IARS2: variants seen among roughly 807,000 people sequenced by gnomAD.
IARS2 encodes isoleucyl-tRNA synthetase 2, mitochondrial, also known as isoleucine--tRNA ligase, mitochondrial.
IARS2 carries 56 observed loss-of-function variants against 126.3 expected under a neutral mutation model. The ratio of observed to expected loss-of-function variants is 0.44; its 90% CI spans 0.36 to 0.55. The LOEUF is 0.55. Among genes scored for constraint, IARS2 ranks in the 20% least tolerant of loss-of-function variants. The pLI, the probability that IARS2 is intolerant of heterozygous loss-of-function variation, is 0.00. For missense variants in IARS2, 1,127 were observed against 1,245.9 expected, an observed-to-expected ratio of 0.90 and a Z score of 1.44; for synonymous variants, 407 against 441.1, an observed-to-expected ratio of 0.92 and a Z score of 0.97.
At chr1:220,115,422 A>T (rs1656894922) in intron 12 of IARS2, among the ~76,000 whole-genome samples, 1 of 150,410 alleles carries the variant, frequency 6.6e-6, no homozygotes, top group South Asian at 2.1e-4. Flanking sequence ...TTAGCCAGGC[A>T]TGGTGGCGCG....
In IARS2 at chr1:220,142,901, T is replaced by C. The variant is rs531619609; in HGVS notation, c.2561-43T>C. 14 of 1,427,082 alleles carry C rather than the reference T, an allele frequency of 9.8e-6. No individual in the cohort carries two copies. The South Asian group carries it at 1.4e-4, about 15-fold the overall frequency. 88.4% of individuals were successfully genotyped at this position (1,427,082 alleles called of 1,614,324 possible). Reference sequence around the variant, plus strand: ...AATGGTTAGAGCTTCATATACAGTTTAGGATGTTTGTAAAGCAGTTTACTA... The same window carrying C: ...AATGGTTAGAGCTTCATATACAGTTCAGGATGTTTGTAAAGCAGTTTACTA... On this transcript the variant is annotated intron_variant, in intron 20 of 22. Coordinates refer to ENST00000366922, the MANE Select transcript of IARS2 (RefSeq NM_018060.4).
chr1:220,120,619 A>G (rs992954791), intron 12 of IARS2, among the ~76,000 whole-genome samples: 1 of 151,624 alleles, frequency 6.6e-6, no homozygotes, highest in Non-Finnish European at 1.5e-5. Context: ...CAAATGATCC[A>G]CCTATCTCAG....
intron 1 of IARS2, among the ~76,000 whole-genome samples, chr1:220,095,100 G>A (rs1299915554): frequency 2.6e-5 from 4 of 152,182 alleles, no homozygotes; most frequent in Non-Finnish European, 2.9e-5. Flanking sequence ...GTGCAATGGC[G>A]CGATCTCAGC....
chr1:220,110,675 C>T, intron 10 of IARS2, 111 bp from the exon 11 acceptor site: 1 of 818,972 alleles, frequency 1.2e-6, no homozygotes, highest in Admixed American at 2.5e-5. Flanking sequence ...GGTGACTACT[C>T]TTATTGCCAC....
intron 14 of IARS2, among the ~76,000 whole-genome samples, chr1:220,127,575 A>G (rs1657180099): frequency 6.6e-6 from 1 of 152,204 alleles, no homozygotes; most frequent in Non-Finnish European, 1.5e-5. Flanking sequence ...GGAGACAGGG[A>G]TGAGATGTCA....
rs967620689 is a variant in IARS2, at chr1:220,142,404, A to C, written c.2560+456A>C. ...GTAGTCCCAGCTACTTGGGAGGCTAAGGCAGGAGAATTGCTTGAACTCGGG... is the reference window on the plus strand; with the variant it reads ...GTAGTCCCAGCTACTTGGGAGGCTACGGCAGGAGAATTGCTTGAACTCGGG... On this transcript the variant is annotated intron_variant, in intron 20 of 22. Coordinates refer to ENST00000366922, the MANE Select transcript of IARS2 (RefSeq NM_018060.4). Among the ~76,000 whole-genome samples, 3 of 152,336 alleles carry C rather than the reference A, an allele frequency of 2.0e-5. No homozygotes were observed. In the East Asian group the frequency reaches 5.8e-4, roughly 29 times the overall value.
At position 220,114,366 on chromosome 1, in the gene IARS2, T is replaced by C. The variant is rs200930683; in HGVS notation, c.1532T>C (p.Val511Ala). ...CCTGGATCAGCACTGAATGGCATGG[T>C]TGAAATGATGGACAGGCGGCCATAT... ...FIPGSALNGMVEMMDRRPYWC... is the reference protein window; with the variant it reads ...FIPGSALNGMAEMMDRRPYWC... The change falls in exon 12 of 23, where the codon GTT becomes GCT. Residue 511 changes from valine to alanine, a missense_variant. By Grantham distance (64) the Val-to-Ala change is moderately conservative (BLOSUM62 0). Transcript: ENST00000366922. 2 of 1,614,018 alleles carry C rather than the reference T, an allele frequency of 1.2e-6. No homozygotes were observed. The highest frequency in any genetic ancestry group is 1.7e-6 in the Non-Finnish European group (2 of 1,179,876).
At chr1:220,098,513 A>G (rs1656500053) in intron 2 of IARS2, among the ~76,000 whole-genome samples, 1 of 152,072 alleles carries the variant, frequency 6.6e-6, no homozygotes, top group Admixed American at 6.6e-5. Context: ...AGTGTGTGAT[A>G]TGTTGGTATA....
At chr1:220,097,979 A>G (rs576812282) in intron 2 of IARS2, among the ~76,000 whole-genome samples, 135 of 152,106 alleles carry the variant, frequency 8.9e-4, no homozygotes, top group African/African-American at 3.2e-3. Flanking sequence ...GGTTCACGCC[A>G]TTCTCCTGCC....
rs757997367 is a variant in IARS2, at chr1:220,100,876, A to G, written c.550+227A>G. The stretch of plus-strand genomic sequence containing the variant: ...AGACTTTGTGAGCATTTCTGATTGC[A>G]TTCTCAGTTTCTTAATGTTCATATT... On this transcript the variant is annotated intron_variant, in intron 3 of 22. Transcript: ENST00000366922. Among the ~76,000 whole-genome samples, 6 of 152,306 alleles carry G rather than the reference A, an allele frequency of 3.9e-5. No individual in the cohort carries two copies. The South Asian group carries it at 1.0e-3, about 26-fold the overall frequency.
At chr1:220,119,237 A>G (rs530421059) in intron 12 of IARS2, among the ~76,000 whole-genome samples, 3 of 152,102 alleles carry the variant, frequency 2.0e-5, no homozygotes, top group Non-Finnish European at 2.9e-5. Context: ...ATTGAAACCT[A>G]AGAAGGGACA....
chr1:220,100,001 A>G (rs1656538084), intron 2 of IARS2, among the ~76,000 whole-genome samples: 1 of 152,222 alleles, frequency 6.6e-6, no homozygotes, highest in Admixed American at 6.5e-5. Flanking sequence ...CCTCTTGGGA[A>G]GAAGGAAATT....
chr1:220,123,993 G>T (rs1571856413), intron 12 of IARS2, among the ~76,000 whole-genome samples: 2 of 152,264 alleles, frequency 1.3e-5, no homozygotes, highest in East Asian at 3.9e-4. Flanking sequence ...TCTTCATGAT[G>T]CTGTTACTAT....
intron 15 of IARS2, among the ~76,000 whole-genome samples, chr1:220,136,351 C>G (rs964060984): frequency 6.6e-6 from 1 of 152,154 alleles, no homozygotes; most frequent in Non-Finnish European, 1.5e-5. Flanking sequence ...AGGCTGGCCT[C>G]GAGCTCCTGG....
chr1:220,143,121 T>C lies in IARS2; in HGVS notation c.2738T>C (p.Phe913Ser), dbSNP rs1289191754. Residue 913 changes from phenylalanine to serine, a missense_variant, in exon 21 of 23, where the codon TTT becomes TCT. Phe to Ser is a radical substitution (Grantham distance 155, BLOSUM62 -2). Transcript: ENST00000366922. The stretch of plus-strand genomic sequence containing the variant: ...ACTGTGATAGAACCTGGACTGCTTT[T>C]TGAGATAATAGAGGTATGCAGCAAT... ...VITVIEPGLLFEIIEMLQSEE... is the reference protein window; with the variant it reads ...VITVIEPGLLSEIIEMLQSEE... 1.2e-6 allele frequency: 2 copies of C among 1,612,886 alleles called. No individual in the cohort carries two copies. Among genetic ancestry groups the C allele is most frequent in the African/African-American group, 2.7e-5 (2 of 74,906 alleles).
intron 12 of IARS2, among the ~76,000 whole-genome samples, chr1:220,116,507 A>G (rs1402398183): frequency 6.6e-6 from 1 of 152,068 alleles, no homozygotes; most frequent in Non-Finnish European, 1.5e-5. Context: ...GCTATTAAGA[A>G]GTTTAAACTT....
intron 6 of IARS2, 29 bp downstream of exon 6, chr1:220,102,633 C>T: frequency 6.3e-7 from 1 of 1,584,172 alleles, no homozygotes. Context: ...TTGAGTGTAC[C>T]AAAGTTATAG....
At chr1:220,136,725 G>C (rs1345228536) in intron 15 of IARS2, 84 bp from the exon 16 acceptor site, 2 of 561,386 alleles carry the variant, frequency 3.6e-6, no homozygotes, top group Admixed American at 3.5e-5. Context: ...GTCAAACTTA[G>C]ATACTCTTTT....
Position 220,144,108 on chromosome 1 carries a change from C to T in IARS2, c.2751+974C>T. ...GCCATTTTTCTAGATCTTTGCTTTG[C>T]ACATCAAATCTGGGGCTGATGTCTC... On this transcript the variant is annotated intron_variant, in intron 21 of 22. Transcript: ENST00000366922. 5 of 905,310 alleles carry T rather than the reference C, an allele frequency of 5.5e-6. No individual in the cohort carries two copies. The East Asian group carries it at 9.6e-5, about 17-fold the overall frequency. The allele number at this position is 905,310 out of a possible 1,614,324, so 56.1% of individuals were successfully genotyped here.
Sources: allele counts gnomAD v4.1 joint callset (sites outside exome capture counted in the v4.1 genomes callset), GRCh38; gene constraint gnomAD v4.1.1; transcripts MANE v1.5; gene names NCBI Gene and HGNC (gene_info 2026-07-23, HGNC 2026-07-21).